Variants in TAOK3 observed in about 807,000 individuals in gnomAD.
TAOK3 encodes TAO kinase 3.
Under a neutral mutation model 120.4 loss-of-function variants are expected in TAOK3, and 40 were observed. The ratio of observed to expected loss-of-function variants is 0.33; its 90% CI spans 0.26 to 0.43. The LOEUF is 0.43. Among genes scored for constraint, TAOK3 ranks in the 20% least tolerant of loss-of-function variants. TAOK3 has a pLI of 1.00. For synonymous variants in TAOK3, 355 were observed against 387.5 expected (o/e 0.92, Z 0.99); for missense variants, 821 against 1,112.1 (o/e 0.74, Z 3.72).
At chr12:118,368,733 G>C (rs1370719651) in intron 1 of TAOK3, among the ~76,000 whole-genome samples, 1 of 150,446 alleles carries the variant, frequency 6.6e-6, no homozygotes, top group Non-Finnish European at 1.5e-5. Context: ...TGGAACCAGG[G>C]AGGCGGAGGT....
At chr12:118,190,461 C>T (rs2037371814) in intron 13 of TAOK3, 2 of 153,144 alleles carry the variant, frequency 1.3e-5, no homozygotes, top group Admixed American at 6.5e-5. Context: ...GCTGAACTGC[C>T]TCTCTATCTT....
chr12:118,309,527 T>G (rs997405047), intron 1 of TAOK3, among the ~76,000 whole-genome samples: 17 of 152,100 alleles, frequency 1.1e-4, no homozygotes, highest in Admixed American at 4.6e-4. Flanking sequence ...TTTCCTTTTT[T>G]TTTTTGAGAT....
chr12:118,365,209 A>C (rs1409934782), intron 1 of TAOK3, among the ~76,000 whole-genome samples: 1 of 152,156 alleles, frequency 6.6e-6, no homozygotes, highest in South Asian at 2.1e-4. Context: ...CTTACATTCC[A>C]AAGAAATCAG....
intron 3 of TAOK3, among the ~76,000 whole-genome samples, chr12:118,252,916 C>A (rs780474949): frequency 6.6e-6 from 1 of 151,968 alleles, no homozygotes; most frequent in Non-Finnish European, 1.5e-5. Flanking sequence ...TCAGTAGAGA[C>A]GGGGTTTCTC....
chr12:118,300,491 A>T (rs1304439186), intron 1 of TAOK3, among the ~76,000 whole-genome samples: 3 of 152,182 alleles, frequency 2.0e-5, no homozygotes. Context: ...TAGCATAGTC[A>T]AGAAAGCTCA....
chr12:118,230,464 T>G (rs2039715653), intron 9 of TAOK3, among the ~76,000 whole-genome samples: 1 of 112,186 alleles, frequency 8.9e-6, no homozygotes, highest in East Asian at 3.1e-4. Context: ...TGAAGTGTTT[T>G]TTTTTTTTTT....
At chr12:118,312,561 A>G (rs12227411) in intron 1 of TAOK3, among the ~76,000 whole-genome samples, 11,510 of 152,232 alleles carry the variant, frequency 0.076, 900 homozygotes, top group East Asian at 0.25. Flanking sequence ...ACTAATATCT[A>G]ATTCAATAAG....
intron 3 of TAOK3, among the ~76,000 whole-genome samples, chr12:118,245,704 C>T (rs529461878): frequency 6.6e-6 from 1 of 152,122 alleles, no homozygotes; most frequent in African/African-American, 2.4e-5. Context: ...TAGACATCTC[C>T]ACTCCCATTT....
chr12:118,173,716 A>T (rs1035265436), intron 16 of TAOK3, among the ~76,000 whole-genome samples: 1 of 152,270 alleles, frequency 6.6e-6, no homozygotes, highest in Admixed American at 6.5e-5. Flanking sequence ...GAAACAAAGC[A>T]GTGAATCAGG....
Position 118,161,697 on chromosome 12 carries a change from G to A in TAOK3, c.2139+91C>T. 6.6e-7 allele frequency: 1 copy of A among 1,520,996 alleles called. No homozygotes were observed. The highest frequency in any genetic ancestry group is 1.8e-5 in the Admixed American group (1 of 55,270). The allele number at this position is 1,520,996 out of a possible 1,614,324, so 94.2% of individuals were successfully genotyped here. A position where few individuals can be genotyped will look rare whatever the true frequency, so the allele number is the denominator to read the frequency against. ...CAATAGGTGTGGGGTGCAGAAATTT[G>A]TGATTCTGAAAAGTTGCTCAGGTGA... On this transcript the variant is annotated intron_variant, in intron 18 of 20. Coordinates refer to ENST00000392533, the MANE Select transcript of TAOK3 (RefSeq NM_016281.4). The surrounding 1 kb of genome is among the most constrained non-coding windows in gnomAD (Gnocchi z 4.5).
At chr12:118,256,010 G>C (rs1172889025) in intron 2 of TAOK3, 2 of 152,418 alleles carry the variant, frequency 1.3e-5, no homozygotes, top group Admixed American at 6.5e-5. Flanking sequence ...CTTGAACCCG[G>C]GAGGCTGAGG....
intron 17 of TAOK3, among the ~76,000 whole-genome samples, chr12:118,165,379 G>C (rs1592997133): frequency 6.6e-6 from 1 of 152,166 alleles, no homozygotes; most frequent in African/African-American, 2.4e-5. Context: ...GAGTTGCTAA[G>C]AGCCCTGAAA....
At chr12:118,227,956 T>C (rs986361559) in intron 9 of TAOK3, among the ~76,000 whole-genome samples, 14 of 152,218 alleles carry the variant, frequency 9.2e-5, no homozygotes, top group African/African-American at 3.4e-4. Flanking sequence ...TTAAAATGTG[T>C]AAAATTTTGT....
intron 1 of TAOK3, among the ~76,000 whole-genome samples, chr12:118,295,757 G>A (rs916393751): frequency 2.0e-5 from 3 of 152,162 alleles, no homozygotes; most frequent in East Asian, 1.9e-4. Flanking sequence ...AGTCCTGTTT[G>A]TCCATCTTTT....
intron 9 of TAOK3, among the ~76,000 whole-genome samples, chr12:118,224,256 T>G (rs978536285): frequency 1.3e-5 from 2 of 152,188 alleles, no homozygotes; most frequent in Non-Finnish European, 2.9e-5. Context: ...TCAATAACTC[T>G]GTACATTTTA....
intron 11 of TAOK3, among the ~76,000 whole-genome samples, chr12:118,203,872 T>A (rs1050802285): frequency 4.6e-5 from 7 of 152,262 alleles, no homozygotes; most frequent in African/African-American, 1.7e-4. Context: ...CAAATAATAA[T>A]AAAACAGGTT....
intron 1 of TAOK3, among the ~76,000 whole-genome samples, chr12:118,308,326 C>G (rs1177523385): frequency 6.6e-6 from 1 of 152,138 alleles, no homozygotes; most frequent in Non-Finnish European, 1.5e-5. Context: ...AACTGGGCAA[C>G]CAGCAACCCC....
intron 1 of TAOK3, among the ~76,000 whole-genome samples, chr12:118,339,460 C>A (rs2044518803): frequency 6.6e-6 from 1 of 151,726 alleles, no homozygotes; most frequent in Non-Finnish European, 1.5e-5. Flanking sequence ...GAAGTTAAGT[C>A]TTCAAAACTA....
intron 1 of TAOK3, among the ~76,000 whole-genome samples, chr12:118,366,282 A>T (rs905303584): frequency 1.3e-5 from 2 of 150,174 alleles, no homozygotes; most frequent in African/African-American, 2.5e-5. Flanking sequence ...AATAAATAAA[A>T]AATAAAAAAT....
Sources: allele counts gnomAD v4.1 joint callset (sites outside exome capture counted in the v4.1 genomes callset), GRCh38; gene constraint gnomAD v4.1.1; non-coding constraint Gnocchi (gnomAD v3.1); transcripts MANE v1.5; gene names NCBI Gene and HGNC (gene_info 2026-07-23, HGNC 2026-07-21).